The following MRPL3 variants were observed in gnomAD, a reference collection of about 807,000 sequenced individuals.
MRPL3 encodes the protein large ribosomal subunit protein uL3m.
Under a neutral mutation model 44.3 loss-of-function variants are expected in MRPL3, and 43 were observed. The observed-to-expected ratio is 0.97, with a 90% CI of 0.76 to 1.25. MRPL3 has a LOEUF of 1.25. Ranked by LOEUF, MRPL3 falls within the 50% of genes most tolerant of loss-of-function variation. MRPL3 has a pLI of 0.00. For missense variants in MRPL3, 406 were observed against 427.6 expected, an observed-to-expected ratio of 0.95 and a Z score of 0.45; for synonymous variants, 171 against 152.3, an observed-to-expected ratio of 1.12 and a Z score of -0.91.
intron 6 of MRPL3, among the ~76,000 whole-genome samples, chr3:131,473,509 G>A (rs1200101178): frequency 6.6e-6 from 1 of 151,486 alleles, no homozygotes; most frequent in African/African-American, 2.4e-5. Flanking sequence ...TTTTAAATGA[G>A]ACCTCAAAAG....
chr3:131,492,568 C>T (rs1934282042), intron 4 of MRPL3, among the ~76,000 whole-genome samples: 1 of 152,134 alleles, frequency 6.6e-6, no homozygotes, highest in African/African-American at 2.4e-5. Context: ...CTAACGCTGC[C>T]ACTGATCTGA....
intron 5 of MRPL3, chr3:131,488,651 T>A (rs991118966): frequency 3.9e-5 from 6 of 152,114 alleles, no homozygotes; most frequent in Admixed American, 3.9e-4. Flanking sequence ...TTTTTTTAAA[T>A]GGCAGAAACC....
Position 131,471,285 on chromosome 3 carries a change from C to A in MRPL3, c.630-6G>T. 6.3e-7 allele frequency: 1 copy of A among 1,585,074 alleles called. No homozygotes were observed. Among genetic ancestry groups the A allele is most frequent in the Non-Finnish European group, 8.7e-7 (1 of 1,153,788 alleles). On this transcript the variant is annotated splice_region_variant and splice_polypyrimidine_tract_variant and intron_variant, in intron 6 of 9. Transcript: ENST00000264995. ...CTTGAAAACCTTTACCAATACTGAA[C>A]AAAACAAACGTTAGAATTTACATAA... is the stretch of plus-strand genomic sequence containing the variant.
At chr3:131,479,661 C>T (rs1166562885) in intron 6 of MRPL3, among the ~76,000 whole-genome samples, 2 of 152,012 alleles carry the variant, frequency 1.3e-5, no homozygotes, top group African/African-American at 4.8e-5. Flanking sequence ...CTGGATAACA[C>T]GGTGAAACCC....
At chr3:131,476,097 C>A (rs1933846917) in intron 6 of MRPL3, among the ~76,000 whole-genome samples, 2 of 152,182 alleles carry the variant, frequency 1.3e-5, no homozygotes, top group African/African-American at 2.4e-5. Flanking sequence ...TAACTTAGCT[C>A]ATTTTAAGAG....
chr3:131,471,414 G>T, intron 6 of MRPL3, 135 bp from the exon 7 acceptor site: 1 of 641,422 alleles, frequency 1.6e-6, no homozygotes, highest in Non-Finnish European at 2.7e-6. Flanking sequence ...ACTAGAAAAG[G>T]CTATACAACT....
chr3:131,465,478 T>C (rs1355902585), intron 9 of MRPL3, among the ~76,000 whole-genome samples: 1 of 152,210 alleles, frequency 6.6e-6, no homozygotes, highest in Non-Finnish European at 1.5e-5. Flanking sequence ...GAAGATGTTG[T>C]AGTAGTACTT....
In MRPL3 at chr3:131,501,537, C is replaced by T. The variant is rs1202226109; in HGVS notation, c.271G>A (p.Glu91Lys). Residue 91 changes from glutamate to lysine, a missense_variant, in exon 2 of 10, where the codon GAA (glutamate) becomes AAA (lysine). Coordinates refer to ENST00000264995, the MANE Select transcript of MRPL3 (RefSeq NM_007208.4). ...KDEPWPIHPWEPGSFRVGLIA... is the reference protein window; with the variant it reads ...KDEPWPIHPWKPGSFRVGLIA... The stretch of plus-strand genomic sequence containing the variant: ...TCAAATACAAAATAATCACCTGGTT[C>T]CCAAGGATGTATAGGCCATGGTTCA... The T allele has an allele frequency of 6.2e-7, 1 of 1,610,176 alleles. No homozygotes were observed. The highest frequency in any genetic ancestry group is 8.5e-7 in the Non-Finnish European group (1 of 1,178,952).
At chr3:131,488,851 T>G (rs1934186778) in intron 5 of MRPL3, 1 of 152,084 alleles carries the variant, frequency 6.6e-6, no homozygotes, top group African/African-American at 2.4e-5. Context: ...GTCTACATAT[T>G]ATCAAAACAT....
chr3:131,475,351 A>G (rs1933832940), intron 6 of MRPL3, among the ~76,000 whole-genome samples: 1 of 152,208 alleles, frequency 6.6e-6, no homozygotes, highest in Non-Finnish European at 1.5e-5. Context: ...TCAATACATC[A>G]AAAATCCACT....
rs1934412054 is a variant in MRPL3, at chr3:131,498,274, G to A, written c.373C>T (p.Gln125Ter). 3 of 1,591,588 alleles carry A rather than the reference G, an allele frequency of 1.9e-6. No homozygotes were observed. Among genetic ancestry groups the A allele is most frequent in the African/African-American group, 2.7e-5 (2 of 73,976 alleles). The change falls in exon 4 of 10, where the codon CAA becomes TAA. Residue 125 changes from glutamine to a stop codon, truncating the protein, a stop_gained. Transcript: ENST00000264995. LOFTEE classifies it high-confidence loss of function. ...GTATATTTTAAGACATGACAGTCTTGTACCTAAAAAAACAAACATAAAAAA... is the reference window on the plus strand; with the variant it reads ...GTATATTTTAAGACATGACAGTCTTATACCTAAAAAAACAAACATAAAAAA... The part of the protein sequence containing the change: ...QKHVVTLLQV[Q>*]DCHVLKYTSK...
At chr3:131,498,124 C>A (rs574634706) in intron 4 of MRPL3, 55 bp downstream of exon 4, 2 of 1,196,150 alleles carry the variant, frequency 1.7e-6, no homozygotes, top group Non-Finnish European at 2.5e-6. Context: ...TAAACTCATC[C>A]AGATTTGAAA....
At chr3:131,489,522 T>C (rs1199999843) in intron 5 of MRPL3, among the ~76,000 whole-genome samples, 3 of 152,096 alleles carry the variant, frequency 2.0e-5, no homozygotes, top group African/African-American at 7.2e-5. Context: ...ATATGCCAAA[T>C]CTTTACTCTT....
Position 131,502,889 on chromosome 3 carries a change from C to G in MRPL3, c.-68G>C. ...TGCCGCTCTGCTTTCAGGGAGTCCC[C>G]ACGCCACCGCCACGTGGACGCAGTA... On this transcript the variant is annotated 5_prime_UTR_variant, in exon 1 of 10. Coordinates refer to ENST00000264995, the MANE Select transcript of MRPL3 (RefSeq NM_007208.4). The G allele has an allele frequency of 7.0e-7, 1 of 1,419,724 alleles. No individual in the cohort carries two copies. The highest frequency in any genetic ancestry group is 9.8e-7 in the Non-Finnish European group (1 of 1,017,330). 87.9% of individuals were successfully genotyped at this position (1,419,724 alleles called of 1,614,324 possible). A position where few individuals can be genotyped will look rare whatever the true frequency, so the allele number is the denominator to read the frequency against.
intron 6 of MRPL3, among the ~76,000 whole-genome samples, chr3:131,486,444 A>ATTT (rs1553718275): frequency 5.0e-5 from 7 of 139,380 alleles, no homozygotes; most frequent in African/African-American, 1.9e-4. Flanking sequence ...TGGGAGAAAA[A>ATTT]TTTTTTTTTT....
chr3:131,474,215 T>G (rs537969040), intron 6 of MRPL3, among the ~76,000 whole-genome samples: 84 of 152,266 alleles, frequency 5.5e-4, no homozygotes, highest in African/African-American at 1.9e-3. Flanking sequence ...GATTCTGTCA[T>G]AAAAAATAAA....
At chr3:131,480,738 A>C (rs1318773729) in intron 6 of MRPL3, among the ~76,000 whole-genome samples, 21 of 152,232 alleles carry the variant, frequency 1.4e-4, no homozygotes, top group Admixed American at 1.1e-3. Context: ...AATTTTCTGA[A>C]GGTCTTCAGC....
intron 6 of MRPL3, among the ~76,000 whole-genome samples, chr3:131,472,467 A>C (rs1933762029): frequency 6.6e-6 from 1 of 152,204 alleles, no homozygotes; most frequent in African/African-American, 2.4e-5. Flanking sequence ...GCTTGAAACA[A>C]CAAAGGCCAT....
chr3:131,476,926 T>A (rs1288012164), intron 6 of MRPL3, among the ~76,000 whole-genome samples: 3 of 152,212 alleles, frequency 2.0e-5, no homozygotes, highest in African/African-American at 7.2e-5. Context: ...ATAATGGGCA[T>A]GCCTTTTAGT....
Sources: gnomAD v4.1 joint callset for allele counts (sites outside exome capture counted in the v4.1 genomes callset) on GRCh38, gnomAD v4.1.1 for gene constraint, MANE v1.5 for transcripts, NCBI Gene and HGNC (gene_info 2026-07-23, HGNC 2026-07-21) for gene names.